The following SMIM35 variants were observed in gnomAD, a reference collection of about 807,000 sequenced individuals.
The protein encoded by SMIM35 is small integral membrane protein 35, also known as TMPRSS4 antisense RNA 1 (non-protein coding).
intron 1 of SMIM35, chr11:118,076,982 T>C (rs1944711649): frequency 5.9e-6 from 2 of 341,018 alleles, no homozygotes; most frequent in Admixed American, 4.7e-5. Context: ...TTCCAGCCCC[T>C]AAGATAGGTG....
chr11:118,007,760 C>T (rs1321919020), intron 4 of SMIM35, among the ~76,000 whole-genome samples: 2 of 152,116 alleles, frequency 1.3e-5, no homozygotes, highest in Middle Eastern at 3.2e-3. Flanking sequence ...CATGAGAAAC[C>T]GCATCCTCCT....
chr11:118,063,852 C>T (rs2135126592), intron 1 of SMIM35, among the ~76,000 whole-genome samples: 1 of 152,366 alleles, frequency 6.6e-6, no homozygotes, highest in African/African-American at 2.4e-5. Flanking sequence ...CCCCATATCT[C>T]ACCCTACGTA....
chr11:118,070,204 G>A (rs1944549936), intron 1 of SMIM35, among the ~76,000 whole-genome samples: 1 of 151,886 alleles, frequency 6.6e-6, no homozygotes, highest in African/African-American at 2.4e-5. Context: ...TTGAGGTGGA[G>A]TTTCACTCAT....
chr11:118,048,115 T>G (rs181411122), intron 1 of SMIM35, among the ~76,000 whole-genome samples: 368 of 152,076 alleles, frequency 2.4e-3, no homozygotes, highest in Non-Finnish European at 3.8e-3. Context: ...ATGCATTTAT[T>G]TTCACGTTTT....
intron 1 of SMIM35, among the ~76,000 whole-genome samples, chr11:118,065,113 G>A (rs1329196757): frequency 2.6e-5 from 4 of 152,182 alleles, no homozygotes. Flanking sequence ...CTTCTGCGTG[G>A]TCAAACACCC....
intron 1 of SMIM35, among the ~76,000 whole-genome samples, chr11:118,017,540 G>A (rs1220863621): frequency 6.6e-6 from 1 of 152,124 alleles, no homozygotes; most frequent in Non-Finnish European, 1.5e-5. Context: ...GGTGGTAAAT[G>A]CTAGAGAAAA....
At chr11:118,018,009 G>A (rs958637165) in intron 1 of SMIM35, among the ~76,000 whole-genome samples, 3 of 152,154 alleles carry the variant, frequency 2.0e-5, no homozygotes, top group Non-Finnish European at 4.4e-5. Context: ...TGAGATCTGG[G>A]TGAAGACACA....
intron 1 of SMIM35, among the ~76,000 whole-genome samples, chr11:118,017,108 A>C (rs1182675902): frequency 6.6e-6 from 1 of 152,182 alleles, no homozygotes; most frequent in Non-Finnish European, 1.5e-5. Flanking sequence ...CATAGACAAG[A>C]AGTGAGCCAG....
At chr11:118,057,001 G>T (rs370985522) in intron 1 of SMIM35, among the ~76,000 whole-genome samples, 4 of 152,282 alleles carry the variant, frequency 2.6e-5, no homozygotes, top group East Asian at 1.9e-4. Context: ...GGTGACAAAG[G>T]TTGGCCGCTC....
chr11:118,044,881 A>G (rs1944072793), intron 1 of SMIM35, among the ~76,000 whole-genome samples: 1 of 152,124 alleles, frequency 6.6e-6, no homozygotes, highest in Non-Finnish European at 1.5e-5. Flanking sequence ...AGGTGATTGG[A>G]CATCTCTAGC....
At chr11:118,019,778 T>C (rs1187113024) in intron 1 of SMIM35, among the ~76,000 whole-genome samples, 1 of 152,226 alleles carries the variant, frequency 6.6e-6, no homozygotes, top group Admixed American at 6.5e-5. Context: ...ATTATCTCCA[T>C]AATTTTTGTA....
chr11:118,021,636 G>A (rs1399392541), intron 1 of SMIM35, among the ~76,000 whole-genome samples: 16 of 152,144 alleles, frequency 1.1e-4, no homozygotes, highest in Admixed American at 1.0e-3. Flanking sequence ...AAGGAAAGCT[G>A]AAGTGGCTCT....
intron 1 of SMIM35, among the ~76,000 whole-genome samples, chr11:118,038,025 C>A (rs1273056141): frequency 1.3e-5 from 2 of 152,112 alleles, no homozygotes; most frequent in African/African-American, 4.8e-5. Flanking sequence ...GGGTGATGGT[C>A]ATGTCCATTT....
At chr11:118,011,711 G>GAAAA (rs2058151630) in intron 4 of SMIM35, among the ~76,000 whole-genome samples, 1 of 151,956 alleles carries the variant, frequency 6.6e-6, no homozygotes, top group Non-Finnish European at 1.5e-5. Flanking sequence ...AAGAAAGAAA[G>GAAAA]TTTTACTGGG....
rs530273698 is a variant in SMIM35, at chr11:118,046,244, C to T, written c.8-30435G>A. On this transcript the variant is annotated intron_variant, in intron 1 of 4. Transcript: ENST00000689828. ...AATGCAACAATAAGGTGGGCAGAAA[C>T]AGCCCCTGACAGATCACAATTTCCT... Among the ~76,000 whole-genome samples the T allele has an allele frequency of 2.0e-5, 3 of 152,312 alleles. No individual in the cohort carries two copies. In the South Asian group the frequency reaches 6.2e-4, roughly 32 times the overall value.
chr11:118,062,628 C>T (rs2135124411), intron 1 of SMIM35, among the ~76,000 whole-genome samples: 1 of 152,240 alleles, frequency 6.6e-6, no homozygotes, highest in African/African-American at 2.4e-5. Context: ...AGGGCTTCAT[C>T]CCTCCCAACC....
chr11:118,044,031 C>T (rs1187748545), intron 1 of SMIM35, among the ~76,000 whole-genome samples: 1 of 151,656 alleles, frequency 6.6e-6, no homozygotes, highest in Non-Finnish European at 1.5e-5. Flanking sequence ...TATATCTAAA[C>T]AAAGCTGTTA....
chr11:118,044,362 T>C (rs1944058681), intron 1 of SMIM35, among the ~76,000 whole-genome samples: 1 of 147,392 alleles, frequency 6.8e-6, no homozygotes, highest in Non-Finnish European at 1.5e-5. Flanking sequence ...CCAAGCAGCA[T>C]GAAGGTAATG....
intron 1 of SMIM35, among the ~76,000 whole-genome samples, chr11:118,037,957 T>C (rs1335291230): frequency 6.6e-6 from 1 of 152,178 alleles, no homozygotes; most frequent in African/African-American, 2.4e-5. Flanking sequence ...TCAACTCTGG[T>C]TTCTTTTCAG....
Sources: allele counts gnomAD v4.1 joint callset (sites outside exome capture counted in the v4.1 genomes callset), GRCh38; gene constraint gnomAD v4.1.1; transcripts MANE v1.5; gene names NCBI Gene and HGNC (gene_info 2026-07-23, HGNC 2026-07-21).